Variants in MNT observed in about 807,000 individuals in gnomAD.
The protein encoded by MNT is MAX network transcriptional repressor, also known as max-binding protein MNT.
MNT carries 13 observed loss-of-function variants against 40.7 expected under a neutral mutation model. The observed-to-expected ratio is 0.32, with a 90% CI of 0.21 to 0.51. The LOEUF (loss-of-function observed/expected upper bound fraction) is 0.51, where lower values mean the gene tolerates loss of function less well. MNT is among the 20% of genes least tolerant of loss of function. The probability of loss-of-function intolerance (pLI) is 0.98; values close to 1 mark genes in which losing one functional copy is unlikely to be tolerated. For synonymous variants in MNT, 426 were observed against 354.8 expected (o/e 1.20, Z -2.26); for missense variants, 757 against 792.0 (o/e 0.96, Z 0.53).
chr17:2,393,361 C>T (rs2066541248), intron 4 of MNT, among the ~76,000 whole-genome samples: 1 of 152,188 alleles, frequency 6.6e-6, no homozygotes, highest in Non-Finnish European at 1.5e-5. Context: ...GGAGGGGACG[C>T]GCAGCCGGGA....
At position 2,394,032 on chromosome 17, in the gene MNT, G is replaced by C. The variant is rs1027271907; in HGVS notation, c.807+11C>G. On this transcript the variant is annotated intron_variant, in intron 4 of 5. Transcript: ENST00000174618. Reference sequence around the variant, plus strand: ...GGGAAGCTGCGCGACGCCGGCCTCCGGGCCCCATACCTGGATGTACCGCAG... The same window carrying C: ...GGGAAGCTGCGCGACGCCGGCCTCCCGGCCCCATACCTGGATGTACCGCAG... 5.1e-6 allele frequency: 8 copies of C among 1,560,750 alleles called. No individual in the cohort carries two copies. Among genetic ancestry groups the C allele is most frequent in the African/African-American group, 4.3e-5 (3 of 70,308 alleles).
In MNT at chr17:2,398,065, C is replaced by A. The variant is rs183527008; in HGVS notation, c.73+2575G>T. Among the ~76,000 whole-genome samples, 66 of 152,302 alleles carry A rather than the reference C, an allele frequency of 4.3e-4. No individual in the cohort carries two copies. The Middle Eastern group carries it at 0.01, about 24-fold the overall frequency. On this transcript the variant is annotated intron_variant, in intron 1 of 5. Coordinates refer to ENST00000174618, the MANE Select transcript of MNT (RefSeq NM_020310.3). ...GGCACAGGGCTAGGGGTGGAGGAGTCCACACTGGTGGGCCCCAGCAGCCAC... is the reference window on the plus strand; with the variant it reads ...GGCACAGGGCTAGGGGTGGAGGAGTACACACTGGTGGGCCCCAGCAGCCAC...
chr17:2,400,757 C>A lies in MNT; in HGVS notation c.-45G>T, dbSNP rs1307753099. 2 of 1,485,928 alleles carry A rather than the reference C, an allele frequency of 1.3e-6. No individual in the cohort carries two copies. 92.0% of individuals were successfully genotyped at this position (1,485,928 alleles called of 1,614,324 possible). A position where few individuals can be genotyped will look rare whatever the true frequency, so the allele number is the denominator to read the frequency against. ...GGCGCGCCGGGGCCGAGGCTGCGGC[C>A]CGCGAGCCGGGCACAGGTCAGGCTG... On this transcript the variant is annotated 5_prime_UTR_variant, in exon 1 of 6. Transcript: ENST00000174618.
In MNT at chr17:2,394,046, G is replaced by T. The variant is rs765526155; in HGVS notation, c.804C>A (p.Ile268=). 3.1e-6 allele frequency: 5 copies of T among 1,595,798 alleles called. No homozygotes were observed. The highest frequency in any genetic ancestry group is 1.4e-5 in the African/African-American group (1 of 72,300). The change falls in exon 4 of 6, where the codon ATC becomes ATA. Residue 268 remains isoleucine (I), a synonymous_variant. Transcript: ENST00000174618. ...LSVLRTALRY[I]QSLKRKEKEY... ...CGCCGGCCTCCGGGCCCCATACCTG[G>T]ATGTACCGCAGCGCCGTCCGCAGCA...
intron 1 of MNT, among the ~76,000 whole-genome samples, chr17:2,399,119 G>C (rs536038913): frequency 6.6e-6 from 1 of 152,100 alleles, no homozygotes; most frequent in Non-Finnish European, 1.5e-5. Context: ...AGAGAGAAAG[G>C]AAAGGAGGGC....
At chr17:2,399,462 AATGTCTCG>A (rs2066599615) in intron 1 of MNT, among the ~76,000 whole-genome samples, 1 of 152,152 alleles carries the variant, frequency 6.6e-6, no homozygotes, top group Non-Finnish European at 1.5e-5. Context: ...GTGAGCTCTA[AATGTCTCG>A]TCGCCCTGCG....
At chr17:2,389,746 C>G (rs1319139339) in intron 4 of MNT, 1 of 152,424 alleles carries the variant, frequency 6.6e-6, no homozygotes, top group Non-Finnish European at 1.5e-5. Context: ...TCCATCTGCA[C>G]TCCTTCCTGG....
chr17:2,395,534 C>G lies in MNT; in HGVS notation c.74-80G>C, dbSNP rs2066571163. On this transcript the variant is annotated intron_variant, in intron 1 of 5. Transcript: ENST00000174618. ...GCCCTAACTCGTCCTCTGACCCTAG[C>G]CCAGTCAGTACTCAGTGACACCCCT... is the stretch of plus-strand genomic sequence containing the variant. The G allele has an allele frequency of 3.2e-6, 5 of 1,585,770 alleles. 1 individual carries two copies. The South Asian group carries it at 5.6e-5, about 18-fold the overall frequency.
chr17:2,384,618 G>T lies in MNT; in HGVS notation c.*2283C>A, dbSNP rs1259829339. 1 of 153,830 alleles carries T rather than the reference G, an allele frequency of 6.5e-6. No homozygotes were observed. Among genetic ancestry groups the T allele is most frequent in the Non-Finnish European group, 1.4e-5 (1 of 69,240 alleles). The allele number at this position is 153,830 out of a possible 1,614,324, so 9.5% of individuals were successfully genotyped here. A position where few individuals can be genotyped will look rare whatever the true frequency, so the allele number is the denominator to read the frequency against. ...CGTGCGTGTGTGTGTGTGTGTGTGT[G>T]TGTGTGTGTCCCAGGCTGGAAGGGC... On this transcript the variant is annotated 3_prime_UTR_variant, in exon 6 of 6. Transcript: ENST00000174618.
chr17:2,394,955 C>A lies in MNT; in HGVS notation c.573G>T (p.Pro191=), dbSNP rs527894868. ...TCAGGGTCCCCAGCGTGGGTGGGGGCGGCTGCTGGGGGGCCAGCTGAGGCT... is the reference window on the plus strand; with the variant it reads ...TCAGGGTCCCCAGCGTGGGTGGGGGAGGCTGCTGGGGGGCCAGCTGAGGCT... The part of the protein sequence containing the change: ...GVQPQLAPQQ[P]PPPTLGTLKL... Residue 191 remains proline (P), a synonymous_variant, in exon 2 of 6, where the codon CCG becomes CCT. Transcript: ENST00000174618. 6 of 1,607,302 alleles carry A rather than the reference C, an allele frequency of 3.7e-6. No individual in the cohort carries two copies. The South Asian group carries it at 6.7e-5, about 18-fold the overall frequency.
chr17:2,400,431 T>A (rs1276282870), intron 1 of MNT: 3 of 471,842 alleles, frequency 6.4e-6, no homozygotes, highest in Non-Finnish European at 1.1e-5. Flanking sequence ...AGGAGCCAGG[T>A]CCCTCGCAGC....
chr17:2,393,467 C>G (rs987843973), intron 4 of MNT, among the ~76,000 whole-genome samples: 2 of 152,222 alleles, frequency 1.3e-5, no homozygotes. Flanking sequence ...GTTTGCCGCC[C>G]AGTCAAATCG....
intron 1 of MNT, among the ~76,000 whole-genome samples, chr17:2,399,179 G>A (rs1269068127): frequency 6.6e-6 from 1 of 152,142 alleles, no homozygotes; most frequent in Non-Finnish European, 1.5e-5. Context: ...TGGGGGGCGG[G>A]GAGGGCACAG....
intron 1 of MNT, among the ~76,000 whole-genome samples, chr17:2,397,022 C>T (rs1203040313): frequency 1.3e-5 from 2 of 152,084 alleles, no homozygotes; most frequent in African/African-American, 4.8e-5. Context: ...CCCAGCCCCG[C>T]CCTCCTGCAG....
At chr17:2,400,550 G>T in intron 1 of MNT, 90 bp downstream of exon 1, 1 of 1,307,550 alleles carries the variant, frequency 7.6e-7, no homozygotes. Flanking sequence ...CCCGGGAGGG[G>T]GCCCTGTCCG....
intron 1 of MNT, 23 bp downstream of exon 1, chr17:2,400,617 A>G: frequency 6.4e-7 from 1 of 1,569,722 alleles, no homozygotes. Flanking sequence ...CCAGTGCCCC[A>G]GGGGCCCAGC....
At chr17:2,395,686 G>A (rs942834912) in intron 1 of MNT, among the ~76,000 whole-genome samples, 5 of 151,760 alleles carry the variant, frequency 3.3e-5, no homozygotes, top group South Asian at 2.1e-4. Context: ...GGACAGTCAC[G>A]GGGGCTGACA....
chr17:2,400,754 G>C lies in MNT; in HGVS notation c.-42C>G. 1 of 1,490,120 alleles carries C rather than the reference G, an allele frequency of 6.7e-7. No homozygotes were observed. The highest frequency in any genetic ancestry group is 2.8e-5 in the East Asian group (1 of 35,500). 92.3% of individuals were successfully genotyped at this position (1,490,120 alleles called of 1,614,324 possible). Reference sequence around the variant, plus strand: ...GGGGGCGCGCCGGGGCCGAGGCTGCGGCCCGCGAGCCGGGCACAGGTCAGG... The same window carrying C: ...GGGGGCGCGCCGGGGCCGAGGCTGCCGCCCGCGAGCCGGGCACAGGTCAGG... On this transcript the variant is annotated 5_prime_UTR_variant, in exon 1 of 6. Transcript: ENST00000174618.
chr17:2,400,938 G>GAA lies in MNT; in HGVS notation c.-227_-226insTT. 1 of 315,796 alleles carries GAA rather than the reference G, an allele frequency of 3.2e-6. No homozygotes were observed. Among genetic ancestry groups the GAA allele is most frequent in the Non-Finnish European group, 5.7e-6 (1 of 176,212 alleles). The allele number at this position is 315,796 out of a possible 1,614,324, so 19.6% of individuals were successfully genotyped here. A position where few individuals can be genotyped will look rare whatever the true frequency, so the allele number is the denominator to read the frequency against. On this transcript the variant is annotated 5_prime_UTR_variant, in exon 1 of 6. Coordinates refer to ENST00000174618, the MANE Select transcript of MNT (RefSeq NM_020310.3). ...AATTGCAAATTTAAAAAAATGGGAT[G>GAA]CAAAAAAAAAAAAAAGGCGGCACTG...
Sources: allele counts gnomAD v4.1 joint callset (sites outside exome capture counted in the v4.1 genomes callset), GRCh38; gene constraint gnomAD v4.1.1; transcripts MANE v1.5; gene names NCBI Gene and HGNC (gene_info 2026-07-23, HGNC 2026-07-21).